Variants in KIF1B observed in about 807,000 individuals in gnomAD.
KIF1B encodes kinesin-like protein KIF1B.
A neutral mutation model predicts 241.9 loss-of-function variants in KIF1B; 76 were observed. The ratio of observed to expected loss-of-function variants is 0.31; its 90% CI spans 0.26 to 0.38. KIF1B has a LOEUF of 0.38. Ranked by LOEUF, KIF1B falls within the 10% of genes least tolerant of loss-of-function variation. KIF1B has a pLI of 1.00. For synonymous variants in KIF1B, 750 were observed against 796.7 expected, an observed-to-expected ratio of 0.94 and a Z score of 0.99; for missense variants, 1,622 against 2,271.4, an observed-to-expected ratio of 0.71 and a Z score of 5.81.
chr1:10,316,770 G>A lies in KIF1B; in HGVS notation c.2116-3273G>A, dbSNP rs1275562151. Among the ~76,000 whole-genome samples, 3 of 151,774 alleles carry A rather than the reference G, an allele frequency of 2.0e-5. 1 individual carries two copies. The highest frequency in any genetic ancestry group is 7.3e-5 in the African/African-American group (3 of 41,064). On this transcript the variant is annotated intron_variant, in intron 22 of 48. Coordinates refer to ENST00000676179, the MANE Select transcript of KIF1B (RefSeq NM_001365951.3). ...GCCTGCCTCAGCCTCCCAAAGTGCT[G>A]GGATTATAGGCATTGAGTCACTGTG...
At chr1:10,254,115 A>G (rs1222733911) in intron 2 of KIF1B, among the ~76,000 whole-genome samples, 1 of 152,222 alleles carries the variant, frequency 6.6e-6, no homozygotes, top group African/African-American at 2.4e-5. Context: ...TTTCATTTCA[A>G]ATATGAGGAG....
Position 10,210,926 on chromosome 1 carries a change from G to GGGAGGGGGCCGCTTCCGCGGGGA in KIF1B, c.-80+53_-80+75dup, listed in dbSNP as rs1553159072. 1 of 151,660 alleles carries GGGAGGGGGCCGCTTCCGCGGGGA rather than the reference G, an allele frequency of 6.6e-6. No individual in the cohort carries two copies. The highest frequency in any genetic ancestry group is 1.5e-5 in the Non-Finnish European group (1 of 67,890). The allele number at this position is 151,660 out of a possible 1,614,324, so 9.4% of individuals were successfully genotyped here. On this transcript the variant is annotated intron_variant, in intron 1 of 48. Transcript: ENST00000676179. The surrounding 1 kb of genome is among the most constrained non-coding windows in gnomAD (Gnocchi z 4.1). ...GGTTGGCGCCGCGGTCGCGGGGTTG[G>GGGAGGGGGCCGCTTCCGCGGGGA]GGAGGGGGCCGCTTCCGCGGGGAGG...
intron 45 of KIF1B, among the ~76,000 whole-genome samples, chr1:10,372,207 T>G (rs893932811): frequency 1.3e-5 from 2 of 152,088 alleles, no homozygotes; most frequent in Non-Finnish European, 2.9e-5. Context: ...ACAACTAACT[T>G]AAGCATGCCA....
At position 10,321,781 on chromosome 1, in the gene KIF1B, C is replaced by T; in HGVS notation, c.2282C>T (p.Ser761Leu). 1 of 1,614,160 alleles carries T rather than the reference C, an allele frequency of 6.2e-7. No individual in the cohort carries two copies. The highest frequency in any genetic ancestry group is 8.5e-7 in the Non-Finnish European group (1 of 1,179,976). Residue 761 changes from serine to leucine, a missense_variant, in exon 24 of 49, where the codon TCA (serine) becomes TTA (leucine). This residue lies in a region of KIF1B where 803 missense variants were observed against 1,112.0 expected (regional missense o/e 0.72). Coordinates refer to ENST00000676179, the MANE Select transcript of KIF1B (RefSeq NM_001365951.3). Reference sequence around the variant, plus strand: ...AAATGGAAGTCTCATCAGTTTACTTCATTACGGGACTTACTCTGGGGCAAT... The same window carrying T: ...AAATGGAAGTCTCATCAGTTTACTTTATTACGGGACTTACTCTGGGGCAAT... The part of the protein sequence containing the change: ...FRKWKSHQFT[S>L]LRDLLWGNAV...
chr1:10,282,181 T>C, intron 14 of KIF1B, 141 bp from the exon 15 acceptor site: 1 of 659,646 alleles, frequency 1.5e-6, no homozygotes, highest in East Asian at 2.7e-5. Context: ...TTGTAACCTG[T>C]GTTTGTATTA....
intron 1 of KIF1B, among the ~76,000 whole-genome samples, chr1:10,212,390 G>T (rs1035360745): frequency 5.3e-5 from 8 of 152,188 alleles, no homozygotes; most frequent in Non-Finnish European, 1.2e-4. Context: ...ATTACACATA[G>T]GTTGGTATTG....
At position 10,210,605 on chromosome 1, in the gene KIF1B, G is replaced by GAA. The variant is rs1052075388; in HGVS notation, c.-353_-352insAA. On this transcript the variant is annotated 5_prime_UTR_variant, in exon 1 of 49. Transcript: ENST00000676179. The surrounding 1 kb of genome is among the most constrained non-coding windows in gnomAD (Gnocchi z 4.1). ...CAGCGGTCCTGGGAGGCGCCCGCGC[G>GAA]CGTCGGAGCAGCTCCCCGTCCTCCG... Among the ~76,000 whole-genome samples, 2 of 151,948 alleles carry GAA rather than the reference G, an allele frequency of 1.3e-5. No individual in the cohort carries two copies. Among genetic ancestry groups the GAA allele is most frequent in the African/African-American group, 4.8e-5 (2 of 41,420 alleles).
At chr1:10,262,204 C>A (rs1156862224) in intron 5 of KIF1B, among the ~76,000 whole-genome samples, 1 of 152,094 alleles carries the variant, frequency 6.6e-6, no homozygotes, top group South Asian at 2.1e-4. Context: ...CCCTGGAGTG[C>A]AGTGGCGTGA....
intron 25 of KIF1B, 61 bp downstream of exon 25, chr1:10,324,123 G>A (rs1651630682): frequency 1.8e-6 from 2 of 1,095,690 alleles, no homozygotes; most frequent in Non-Finnish European, 2.7e-6. Context: ...ACCTGCTCAA[G>A]TGAGCTCCCT....
At chr1:10,258,366 TA>T in intron 3 of KIF1B, 126 bp from the exon 4 acceptor site, 4 of 958,696 alleles carry the variant, frequency 4.2e-6, no homozygotes, top group Non-Finnish European at 4.7e-6. Context: ...ATAGGAGGCT[TA>T]AAAAATGTGT....
At chr1:10,366,743 C>T (rs557555526) in intron 43 of KIF1B, among the ~76,000 whole-genome samples, 2 of 152,214 alleles carry the variant, frequency 1.3e-5, no homozygotes, top group East Asian at 3.9e-4. Flanking sequence ...GAGGCCGAGG[C>T]AGGTGGATCA....
intron 2 of KIF1B, among the ~76,000 whole-genome samples, chr1:10,250,432 G>C (rs1467883505): frequency 6.6e-6 from 1 of 151,392 alleles, no homozygotes; most frequent in Non-Finnish European, 1.5e-5. Context: ...TCTGCCTTCT[G>C]GTTTCAAGCA....
chr1:10,250,431 T>A (rs1647374449), intron 2 of KIF1B, among the ~76,000 whole-genome samples: 1 of 151,952 alleles, frequency 6.6e-6, no homozygotes, highest in Admixed American at 6.6e-5. Context: ...CTCTGCCTTC[T>A]GGTTTCAAGC....
intron 2 of KIF1B, among the ~76,000 whole-genome samples, chr1:10,241,910 A>G (rs1236995379): frequency 1.3e-5 from 2 of 152,196 alleles, no homozygotes; most frequent in Admixed American, 6.5e-5. Flanking sequence ...AATGCAGTTC[A>G]CAAGACCGTG....
chr1:10,255,214 G>A lies in KIF1B; in HGVS notation c.107-1033G>A, dbSNP rs139855161. Among the ~76,000 whole-genome samples the A allele has an allele frequency of 2.0e-3, 308 of 152,218 alleles. 6 individuals are homozygous for A. The highest frequency in any genetic ancestry group is 0.01 in the Admixed American group (154 of 15,300). ...TACACCTGCCTTGGCCTCCCAAAGT[G>A]CTGGGATTACAAGTGGGAGCCACCG... On this transcript the variant is annotated intron_variant, in intron 2 of 48. Transcript: ENST00000676179.
At chr1:10,275,091 T>C (rs1389806349) in intron 10 of KIF1B, among the ~76,000 whole-genome samples, 1 of 152,014 alleles carries the variant, frequency 6.6e-6, no homozygotes, top group Non-Finnish European at 1.5e-5. Flanking sequence ...GTCAGGAAAA[T>C]AAGTTGTAGA....
intron 41 of KIF1B, among the ~76,000 whole-genome samples, chr1:10,364,725 G>A (rs1269891970): frequency 2.0e-5 from 3 of 152,004 alleles, no homozygotes; most frequent in Non-Finnish European, 2.9e-5. Context: ...ATTAATTCGT[G>A]GCCAGGCGCG....
rs925104166 is a variant in KIF1B, at chr1:10,369,618, A to AT, written c.4824+1087dup. On this transcript the variant is annotated intron_variant, in intron 44 of 48. Coordinates refer to ENST00000676179, the MANE Select transcript of KIF1B (RefSeq NM_001365951.3). ...ATTGCACCCCAGCCTGTGTGACAGT[A>AT]TTTTTTTGTCTCTTAATGATAACGG... is the stretch of plus-strand genomic sequence containing the variant. Among the ~76,000 whole-genome samples the AT allele has an allele frequency of 4.6e-5, 7 of 151,842 alleles. No individual in the cohort carries two copies. In the East Asian group the frequency reaches 5.8e-4, roughly 13 times the overall value.
intron 22 of KIF1B, among the ~76,000 whole-genome samples, chr1:10,298,243 A>C (rs915228595): frequency 1.3e-5 from 2 of 152,194 alleles, no homozygotes; most frequent in South Asian, 4.2e-4. Context: ...AAGTTCAAGC[A>C]CTGGCTTCTT....
Sources: allele counts gnomAD v4.1 joint callset (sites outside exome capture counted in the v4.1 genomes callset), GRCh38; gene constraint gnomAD v4.1.1; regional missense constraint gnomAD v4.1.1; non-coding constraint Gnocchi (gnomAD v3.1); transcripts MANE v1.5; gene names NCBI Gene and HGNC (gene_info 2026-07-23, HGNC 2026-07-21).